The following PDE2A variants were observed in gnomAD, a reference collection of about 807,000 sequenced individuals.
The protein encoded by PDE2A is cGMP-dependent 3',5'-cyclic phosphodiesterase.
A neutral mutation model predicts 133.6 loss-of-function variants in PDE2A; 53 were observed. That is an observed-to-expected ratio of 0.40 (90% confidence interval 0.32 to 0.50). The LOEUF (loss-of-function observed/expected upper bound fraction) is 0.50. PDE2A is among the 20% of genes least tolerant of loss of function. The pLI is 0.73. For synonymous variants in PDE2A, 491 were observed against 490.2 expected (o/e 1.00, Z -0.02); for missense variants, 796 against 1,232.4 (o/e 0.65, Z 5.30).
chr11:72,653,618 A>C (rs1343376349), intron 1 of PDE2A, among the ~76,000 whole-genome samples: 1 of 152,022 alleles, frequency 6.6e-6, no homozygotes, highest in Non-Finnish European at 1.5e-5. Context: ...AGAGGAGAGG[A>C]CTGGAGAGGG....
rs528507612 is a variant in PDE2A, at chr11:72,608,722, G to A, written c.174C>T (p.Ile58=). 6.4e-6 allele frequency: 10 copies of A among 1,571,676 alleles called. No homozygotes were observed. The highest frequency in any genetic ancestry group is 1.9e-5 in the Admixed American group (1 of 52,354). Residue 58 remains isoleucine (I), a synonymous_variant, in exon 3 of 31, where the codon ATC becomes ATT. Coordinates refer to ENST00000334456, the MANE Select transcript of PDE2A (RefSeq NM_002599.5). ...QDALLSLGSV[I]DISGLQRAVK... ...CAGCACGTTGCAGGCCTGAAATGTCGATGACAGAGCCCAGACTCAGCAAGG... is the reference window on the plus strand; with the variant it reads ...CAGCACGTTGCAGGCCTGAAATGTCAATGACAGAGCCCAGACTCAGCAAGG...
intron 22 of PDE2A, 21 bp from the exon 23 acceptor site, chr11:72,581,500 G>C: frequency 6.3e-7 from 1 of 1,577,502 alleles, no homozygotes; most frequent in African/African-American, 1.3e-5. Context: ...GAAGAGGGCA[G>C]AAGAGGGGCC....
At chr11:72,652,615 C>T (rs1591131185) in intron 1 of PDE2A, 3 of 456,278 alleles carry the variant, frequency 6.6e-6, no homozygotes, top group Non-Finnish European at 1.3e-5. Context: ...TTGATGACCA[C>T]CTACTAAGTG....
chr11:72,588,986 A>G lies in PDE2A; in HGVS notation c.940-72T>C, dbSNP rs1029761073. On this transcript the variant is annotated intron_variant, in intron 12 of 30. Coordinates refer to ENST00000334456, the MANE Select transcript of PDE2A (RefSeq NM_002599.5). ...CTTCCCTCCTCCAGCCCTCCATCAC[A>G]TTTTGCAACAGGCAGTTCTAAGGGA... 11 of 1,509,438 alleles carry G rather than the reference A, an allele frequency of 7.3e-6. No homozygotes were observed. The Admixed American group carries it at 9.0e-5, about 12-fold the overall frequency. The allele number at this position is 1,509,438 out of a possible 1,614,324, so 93.5% of individuals were successfully genotyped here.
chr11:72,590,566 C>A lies in PDE2A; in HGVS notation c.564G>T (p.Leu188=). 7.2e-7 allele frequency: 1 copy of A among 1,384,234 alleles called. No homozygotes were observed. Among genetic ancestry groups the A allele is most frequent in the Non-Finnish European group, 9.3e-7 (1 of 1,074,538 alleles). 85.7% of individuals were successfully genotyped at this position (1,384,234 alleles called of 1,614,324 possible). A position where few individuals can be genotyped will look rare whatever the true frequency, so the allele number is the denominator to read the frequency against. Residue 188 remains leucine (L), a synonymous_variant, in exon 8 of 31, where the codon CTG becomes CTT. Transcript: ENST00000334456. This position sits in a 1 kb window ranked among gnomAD's most constrained non-coding sequence, Gnocchi z 4.8. ...QAVEKHTLVA[L]RRVQVLQQRG... ...GCTGCTGCAGGACCTGCACCCTCCG[C>A]AGGGCGACCAGGGTCTGGGGCAGGC...
chr11:72,656,100 C>G (rs922882569), intron 1 of PDE2A, among the ~76,000 whole-genome samples: 1 of 152,156 alleles, frequency 6.6e-6, no homozygotes, highest in African/African-American at 2.4e-5. Flanking sequence ...AGCCATCCAT[C>G]AAGGCTGGCA....
chr11:72,614,160 TC>T (rs1398315711), intron 2 of PDE2A, among the ~76,000 whole-genome samples: 1 of 152,144 alleles, frequency 6.6e-6, no homozygotes, highest in Non-Finnish European at 1.5e-5. Context: ...TCCTCCTTCC[TC>T]CCCACACACC....
chr11:72,642,398 C>T (rs1858995810), intron 1 of PDE2A, 72 bp from the exon 2 acceptor site: 5 of 1,288,854 alleles, frequency 3.9e-6, no homozygotes, highest in Admixed American at 3.8e-5. Context: ...CCCGCCCGCC[C>T]GCCGGCCCGG....
In PDE2A at chr11:72,578,633, C is replaced by A. The variant is rs1435788127; in HGVS notation, c.2470-119G>T. 6 of 898,434 alleles carry A rather than the reference C, an allele frequency of 6.7e-6. No individual in the cohort carries two copies. In the South Asian group the frequency reaches 8.9e-5, roughly 13 times the overall value. The allele number at this position is 898,434 out of a possible 1,614,324, so 55.7% of individuals were successfully genotyped here. A position where few individuals can be genotyped will look rare whatever the true frequency, so the allele number is the denominator to read the frequency against. ...CAGGGATTCAGTCCCAGCTCAGGAG[C>A]CGTCCCCACCAGCCCCAGCTTGGCA... is the stretch of plus-strand genomic sequence containing the variant. On this transcript the variant is annotated intron_variant, in intron 28 of 30. Coordinates refer to ENST00000334456, the MANE Select transcript of PDE2A (RefSeq NM_002599.5). The surrounding 1 kb of genome is among the most constrained non-coding windows in gnomAD (Gnocchi z 4.2).
At position 72,609,904 on chromosome 11, in the gene PDE2A, G is replaced by A. The variant is rs1301688371; in HGVS notation, c.145-1153C>T. Among the ~76,000 whole-genome samples, 4 of 123,836 alleles carry A rather than the reference G, an allele frequency of 3.2e-5. No homozygotes were observed. In the Admixed American group the frequency reaches 4.1e-4, roughly 13 times the overall value. 81.2% of individuals were successfully genotyped at this position (123,836 alleles called of 152,430 possible). On this transcript the variant is annotated intron_variant, in intron 2 of 30. Transcript: ENST00000334456. ...CAGCATGAGCCCACAGTGTAAGCAT[G>A]ACTGGCAAGAAATAAAAATGCTCAA...
intron 2 of PDE2A, chr11:72,621,834 A>G (rs1218910182): frequency 6.6e-6 from 1 of 151,374 alleles, no homozygotes; most frequent in Non-Finnish European, 1.5e-5. Flanking sequence ...TCCCCCCACC[A>G]AAAAAAAAGT....
In PDE2A at chr11:72,584,228, G is replaced by T; in HGVS notation, c.1623C>A (p.Ser541=). Reference sequence around the variant, plus strand: ...GGGCGATGCTGATGCCGCAGTAGATGGAGAAGGCCGTCGCCAGGTCCTCGT... The same window carrying T: ...GGGCGATGCTGATGCCGCAGTAGATTGAGAAGGCCGTCGCCAGGTCCTCGT... ...KFDEDLATAF[S]IYCGISIAHS... is the part of the protein sequence containing the mutation. Residue 541 remains serine (S), a synonymous_variant, in exon 19 of 31, where the codon TCC becomes TCA. Transcript: ENST00000334456. The T allele has an allele frequency of 1.3e-6, 2 of 1,580,664 alleles. No individual in the cohort carries two copies. The highest frequency in any genetic ancestry group is 1.7e-6 in the Non-Finnish European group (2 of 1,157,936).
intron 18 of PDE2A, 68 bp downstream of exon 18, chr11:72,584,482 AC>A: frequency 3.3e-6 from 5 of 1,494,216 alleles, no homozygotes; most frequent in Non-Finnish European, 4.5e-6. Context: ...AAGTGTTGCC[AC>A]CCCCGCTCGC....
At chr11:72,621,053 A>G (rs1857748093) in intron 2 of PDE2A, among the ~76,000 whole-genome samples, 1 of 152,150 alleles carries the variant, frequency 6.6e-6, no homozygotes, top group Admixed American at 6.5e-5. Flanking sequence ...GCACTGCTTC[A>G]TGCAATCCTC....
intron 2 of PDE2A, among the ~76,000 whole-genome samples, chr11:72,634,926 G>T (rs1464026609): frequency 6.6e-6 from 1 of 152,224 alleles, no homozygotes; most frequent in East Asian, 1.9e-4. Context: ...GAAGGCAGGG[G>T]TTCATGCATT....
intron 4 of PDE2A, among the ~76,000 whole-genome samples, chr11:72,598,350 AG>A (rs1269114614): frequency 2.6e-5 from 4 of 152,090 alleles, no homozygotes; most frequent in Admixed American, 1.3e-4. Context: ...AGCTTTGAAC[AG>A]GGGGCAGGTG....
rs767069277 is a variant in PDE2A at position 72,584,535 on chromosome 11, G to A, written c.1537+16C>T. On this transcript the variant is annotated intron_variant, in intron 18 of 30. Transcript: ENST00000334456. ...CGGCGCAGGCCCCGCCCCTCCGCCC[G>A]GGCCGCCACGCGCACCCTGGTTCTC... The A allele has an allele frequency of 1.1e-5, 17 of 1,584,502 alleles. No individual in the cohort carries two copies. Among genetic ancestry groups the A allele is most frequent in the African/African-American group, 1.3e-5 (1 of 74,572 alleles).
intron 2 of PDE2A, chr11:72,615,260 A>G (rs1857409191): frequency 3.5e-6 from 1 of 284,124 alleles, no homozygotes. Flanking sequence ...AGCCAGTCCC[A>G]GCTTCTATTC....
intron 26 of PDE2A, 32 bp downstream of exon 26, chr11:72,579,502 C>T (rs1291670073): frequency 1.3e-6 from 2 of 1,576,990 alleles, no homozygotes; most frequent in Non-Finnish European, 1.7e-6. Flanking sequence ...CCAGCTCCCC[C>T]TCAATCCCCA....
Sources: allele counts gnomAD v4.1 joint callset (sites outside exome capture counted in the v4.1 genomes callset), GRCh38; gene constraint gnomAD v4.1.1; non-coding constraint Gnocchi (gnomAD v3.1); transcripts MANE v1.5; gene names NCBI Gene and HGNC (gene_info 2026-07-23, HGNC 2026-07-21).